The following CCNB2 variants were observed in gnomAD, a reference collection of about 807,000 sequenced individuals.
CCNB2 encodes the protein cyclin B2, also known as G2/mitotic-specific cyclin-B2.
A neutral mutation model predicts 51.1 loss-of-function variants in CCNB2; 39 were observed. That is an observed-to-expected ratio of 0.76 (90% CI 0.59 to 1.00). The LOEUF (loss-of-function observed/expected upper bound fraction) is 1.00. Ranked by LOEUF, CCNB2 falls within the 50% of genes least tolerant of loss-of-function variation. CCNB2 has a pLI of 0.00. For missense variants in CCNB2, 472 were observed against 470.3 expected, an observed-to-expected ratio of 1.00 and a Z score of -0.03; for synonymous variants, 174 against 165.5, an observed-to-expected ratio of 1.05 and a Z score of -0.40.
At chr15:59,108,008 A>T (rs534815971) in intron 3 of CCNB2, among the ~76,000 whole-genome samples, 62 of 152,266 alleles carry the variant, frequency 4.1e-4, no homozygotes, top group African/African-American at 1.2e-3. Context: ...CTGAAAAAAA[A>T]AAATAAATAT....
chr15:59,120,297 C>T (rs1420163755), intron 7 of CCNB2, among the ~76,000 whole-genome samples: 1 of 152,084 alleles, frequency 6.6e-6, no homozygotes, highest in African/African-American at 2.4e-5. Flanking sequence ...TGCCAGATAG[C>T]ACACAAATTC....
Position 59,123,519 on chromosome 15 carries a change from C to T in CCNB2, c.978C>T (p.Asn326=), listed in dbSNP as rs749311947. 8.7e-6 allele frequency: 14 copies of T among 1,600,236 alleles called. No individual in the cohort carries two copies. The highest frequency in any genetic ancestry group is 6.7e-5 in the Admixed American group (4 of 59,910). Residue 326 remains asparagine, a splice_region_variant and synonymous_variant, in exon 8 of 9, where the codon AAC becomes AAT. Transcript: ENST00000288207. The stretch of plus-strand genomic sequence containing the variant: ...TCTGTCTGCTTCTTGTGTTTCAGAA[C>T]TTAAAGCAGCAGTATTACACAGGAT... ...SQKVLGQGKW[N]LKQQYYTGYT... is the part of the protein sequence containing the mutation.
intron 5 of CCNB2, among the ~76,000 whole-genome samples, chr15:59,115,214 C>G (rs1179085100): frequency 3.9e-5 from 6 of 152,132 alleles, no homozygotes; most frequent in African/African-American, 1.2e-4. Flanking sequence ...TTTTCTGGGC[C>G]TGCTTGCACA....
chr15:59,115,247 G>C (rs1012600901), intron 5 of CCNB2, among the ~76,000 whole-genome samples: 5 of 152,104 alleles, frequency 3.3e-5, no homozygotes, highest in African/African-American at 1.2e-4. Context: ...TGGTGCTCTG[G>C]TGTTAAGTTT....
chr15:59,114,583 A>G lies in CCNB2; in HGVS notation c.407A>G (p.Lys136Arg), dbSNP rs1163806606. The change falls in exon 4 of 9, where the codon AAG becomes AGG. Residue 136 changes from lysine to arginine, a missense_variant. Lys to Arg is a conservative substitution (Grantham distance 26). Transcript: ENST00000288207. The part of the protein sequence containing the change: ...ENPQLCSDYV[K>R]DIYQYLRQLE... ...CCTCAGCTCTGCAGTGACTACGTTA[A>G]GGATATCTATCAGTATCTCAGGCAG... The G allele has an allele frequency of 6.2e-7, 1 of 1,605,224 alleles. No homozygotes were observed. Among genetic ancestry groups the G allele is most frequent in the South Asian group, 1.1e-5 (1 of 90,184 alleles).
intron 7 of CCNB2, chr15:59,121,537 C>T (rs1179022596): frequency 6.6e-6 from 1 of 152,100 alleles, no homozygotes. Flanking sequence ...TGGCTCACAC[C>T]TGTAGTTTCA....
In CCNB2 at chr15:59,123,464, A is replaced by G. The variant is rs1408983109; in HGVS notation, c.976-53A>G. On this transcript the variant is annotated intron_variant, in intron 7 of 8. Transcript: ENST00000288207. ...AAGATGTGTTCTTCTAAAGAAGCAG[A>G]GGTTTTCTCTTGCCCCTCAGTCATG... 5 of 986,022 alleles carry G rather than the reference A, an allele frequency of 5.1e-6. No individual in the cohort carries two copies. In the African/African-American group the frequency reaches 6.5e-5, roughly 13 times the overall value. The allele number at this position is 986,022 out of a possible 1,614,324, so 61.1% of individuals were successfully genotyped here.
At chr15:59,106,047 C>G (rs1323769774) in intron 1 of CCNB2, among the ~76,000 whole-genome samples, 2 of 152,118 alleles carry the variant, frequency 1.3e-5, no homozygotes, top group Non-Finnish European at 2.9e-5. Flanking sequence ...GTACCGGGAC[C>G]TACTTTTTTC....
chr15:59,114,843 C>A lies in CCNB2; in HGVS notation c.564C>A (p.Tyr188Ter), dbSNP rs779995640. Residue 188 changes from tyrosine to a stop codon, truncating the protein, a stop_gained, in exon 5 of 9, where the codon TAC (tyrosine) becomes TAA (stop). Coordinates refer to ENST00000288207, the MANE Select transcript of CCNB2 (RefSeq NM_004701.4). LOFTEE classifies it high-confidence loss of function. The stretch of plus-strand genomic sequence containing the variant: ...TTAGGCTTCTGCAGGAGACTCTGTA[C>A]ATGTGCGTTGGCATTATGGATCGAT... ...SKFRLLQETL[Y>*]MCVGIMDRFL... 1 of 1,614,062 alleles carries A rather than the reference C, an allele frequency of 6.2e-7. No individual in the cohort carries two copies. The highest frequency in any genetic ancestry group is 1.7e-5 in the Admixed American group (1 of 60,004).
intron 1 of CCNB2, 61 bp from the exon 2 acceptor site, chr15:59,107,260 TA>T: frequency 6.8e-7 from 1 of 1,467,994 alleles, no homozygotes. Flanking sequence ...TTTGAGTATC[TA>T]ACATTAGCAA....
chr15:59,117,852 C>T (rs2079285501), intron 7 of CCNB2, among the ~76,000 whole-genome samples: 1 of 152,132 alleles, frequency 6.6e-6, no homozygotes, highest in Admixed American at 6.5e-5. Context: ...GTTCTAGCTA[C>T]TTGGGAGGCT....
intron 3 of CCNB2, among the ~76,000 whole-genome samples, chr15:59,108,194 A>G (rs544549851): frequency 1.3e-5 from 2 of 152,332 alleles, no homozygotes; most frequent in African/African-American, 2.4e-5. Flanking sequence ...CAAAGCGGAT[A>G]TGGACCTATA....
At chr15:59,123,681 G>C in intron 8 of CCNB2, 54 bp downstream of exon 8, 1 of 970,460 alleles carries the variant, frequency 1.0e-6, no homozygotes, top group Non-Finnish European at 1.6e-6. Context: ...TGGGTTTTGT[G>C]TGTATGTTGG....
intron 5 of CCNB2, chr15:59,116,095 A>AG (rs1459701216): frequency 1.3e-5 from 2 of 152,238 alleles, no homozygotes; most frequent in Non-Finnish European, 2.9e-5. Context: ...GGAAAAAAAA[A>AG]AAGCAATTAA....
chr15:59,114,341 A>C, intron 3 of CCNB2, 103 bp from the exon 4 acceptor site: 1 of 817,026 alleles, frequency 1.2e-6, no homozygotes. Context: ...TGTGTCTTTA[A>C]CATATTTCAG....
rs374523421 is a variant in CCNB2, at chr15:59,123,562, T to C, written c.1021T>C (p.Leu341=). ...CACAGGATACACAGAGAATGAAGTA[T>C]TGGAAGTCATGCAGCACATGGCCAA... ...YYTGYTENEV[L]EVMQHMAKNV... Residue 341 remains leucine (L), a synonymous_variant, in exon 8 of 9, where the codon TTG becomes CTG. Coordinates refer to ENST00000288207, the MANE Select transcript of CCNB2 (RefSeq NM_004701.4). 7.9e-5 allele frequency: 128 copies of C among 1,613,644 alleles called. 2 individuals are homozygous for C. The East Asian group carries it at 1.7e-3, about 22-fold the overall frequency.
chr15:59,108,252 G>A (rs895464176), intron 3 of CCNB2, among the ~76,000 whole-genome samples: 19 of 152,176 alleles, frequency 1.2e-4, no homozygotes, highest in African/African-American at 2.7e-4. Flanking sequence ...TGAGTCAGGC[G>A]GCTTGAGTGA....
chr15:59,116,928 TAA>T lies in CCNB2; in HGVS notation c.834+3_834+4del, dbSNP rs765713356. ...AGGCGAGCATCAAAAGCCGGGGAGG[TAA>T]GTGCCTCCAGCTCTGTAAGAGACTA... On this transcript the variant is annotated splice_donor_region_variant and intron_variant, in intron 6 of 8. Transcript: ENST00000288207. 6.2e-6 allele frequency: 10 copies of T among 1,605,906 alleles called. No homozygotes were observed. Among genetic ancestry groups the T allele is most frequent in the Non-Finnish European group, 8.5e-6 (10 of 1,172,828 alleles).
In CCNB2 at chr15:59,107,775, G is replaced by T. The variant is rs1045360130; in HGVS notation, c.267+105G>T. 7.6e-6 allele frequency: 6 copies of T among 785,768 alleles called. No individual in the cohort carries two copies. The African/African-American group carries it at 8.7e-5, about 11-fold the overall frequency. The allele number at this position is 785,768 out of a possible 1,614,324, so 48.7% of individuals were successfully genotyped here. On this transcript the variant is annotated intron_variant, in intron 3 of 8. Transcript: ENST00000288207. ...CTGTACCTTCTAACGAACATTCATA[G>T]CTGGAGCTCTGCTTTGAAGCAATAG... is the stretch of plus-strand genomic sequence containing the variant.
Sources: gnomAD v4.1 joint callset for allele counts (sites outside exome capture counted in the v4.1 genomes callset) on GRCh38, gnomAD v4.1.1 for gene constraint, MANE v1.5 for transcripts, NCBI Gene and HGNC (gene_info 2026-07-23, HGNC 2026-07-21) for gene names.